The following CA10 variants were observed in gnomAD, a reference collection of about 807,000 sequenced individuals.
The protein encoded by CA10 is carbonic anhydrase 10 (inactive).
A neutral mutation model predicts 44.2 loss-of-function variants in CA10; 14 were observed. The observed-to-expected ratio is 0.32, with a 90% CI of 0.21 to 0.50. CA10 has a LOEUF of 0.50. Among genes scored for constraint, CA10 ranks in the 20% least tolerant of loss-of-function variants. CA10 has a pLI of 0.99. For synonymous variants in CA10, 159 were observed against 141.6 expected (o/e 1.12, Z -0.87); for missense variants, 350 against 409.7 (o/e 0.85, Z 1.26).
intron 3 of CA10, among the ~76,000 whole-genome samples, chr17:51,901,859 CA>C (rs1480927968): frequency 6.6e-6 from 1 of 151,982 alleles, no homozygotes; most frequent in Non-Finnish European, 1.5e-5. Context: ...AACAATCTTA[CA>C]AAGCTAAGTT....
chr17:52,027,244 G>T (rs949115521), intron 2 of CA10, among the ~76,000 whole-genome samples: 2 of 152,066 alleles, frequency 1.3e-5, no homozygotes, highest in African/African-American at 4.8e-5. Context: ...AGCTCAGGTG[G>T]TAATGTGAGT....
intron 3 of CA10, among the ~76,000 whole-genome samples, chr17:51,883,460 A>T (rs908900649): frequency 6.6e-6 from 1 of 152,158 alleles, no homozygotes; most frequent in African/African-American, 2.4e-5. Flanking sequence ...TCTCATGAAT[A>T]TATGCTAATG....
chr17:51,960,753 A>G (rs1291738896), intron 2 of CA10, among the ~76,000 whole-genome samples: 1 of 152,196 alleles, frequency 6.6e-6, no homozygotes, highest in Non-Finnish European at 1.5e-5. Context: ...AAATTAAATA[A>G]CTCACTTTCA....
intron 2 of CA10, among the ~76,000 whole-genome samples, chr17:52,048,131 T>A (rs1478510169): frequency 6.6e-6 from 1 of 151,632 alleles, no homozygotes; most frequent in African/African-American, 2.4e-5. Flanking sequence ...GGGGAAAAAA[T>A]GTCTTGTTTA....
intron 2 of CA10, among the ~76,000 whole-genome samples, chr17:52,027,052 G>A (rs1986323874): frequency 6.6e-6 from 1 of 152,018 alleles, no homozygotes; most frequent in South Asian, 2.1e-4. Context: ...ATCAATGGGA[G>A]TCCTGAGTTT....
rs8074063 is a variant in CA10, at chr17:52,098,081, G to A, written c.62-25688C>T. On this transcript the variant is annotated intron_variant, in intron 1 of 8. Transcript: ENST00000451037. Reference sequence around the variant, plus strand: ...GTGCTGCAGCTGGCCTGTTTTGATGGGTTGGTGCCCAGAACTGCTGTTACA... The same window carrying A: ...GTGCTGCAGCTGGCCTGTTTTGATGAGTTGGTGCCCAGAACTGCTGTTACA... 2.3e-3 allele frequency among the ~76,000 whole-genome samples: 343 copies of A among 152,194 alleles called. 1 individual carries two copies. Among genetic ancestry groups the A allele is most frequent in the African/African-American group, 7.9e-3 (328 of 41,524 alleles).
chr17:51,635,225 G>C (rs1384263725), intron 7 of CA10, among the ~76,000 whole-genome samples: 1 of 152,130 alleles, frequency 6.6e-6, no homozygotes, highest in Non-Finnish European at 1.5e-5. Context: ...TAAAGATGGA[G>C]GTAGAGGCTG....
At chr17:52,077,256 G>A (rs1987840615) in intron 1 of CA10, among the ~76,000 whole-genome samples, 1 of 152,182 alleles carries the variant, frequency 6.6e-6, no homozygotes, top group East Asian at 1.9e-4. Flanking sequence ...TGAAGAAAGA[G>A]CAAAGTGTTT....
intron 3 of CA10, among the ~76,000 whole-genome samples, chr17:51,800,467 C>A (rs1906883472): frequency 1.3e-5 from 2 of 152,068 alleles, no homozygotes; most frequent in African/African-American, 4.8e-5. Context: ...AAATTATACA[C>A]CTGAAATGGA....
chr17:51,896,903 A>C (rs1981093698), intron 3 of CA10, among the ~76,000 whole-genome samples: 1 of 151,630 alleles, frequency 6.6e-6, no homozygotes, highest in East Asian at 1.9e-4. Flanking sequence ...GTGTCTGTCC[A>C]TGTCCTTTGC....
At chr17:51,675,127 G>T (rs1175516645) in intron 4 of CA10, among the ~76,000 whole-genome samples, 1 of 152,208 alleles carries the variant, frequency 6.6e-6, no homozygotes, top group African/African-American at 2.4e-5. Context: ...GTTTTGCAGA[G>T]GATGCTGCCC....
intron 2 of CA10, among the ~76,000 whole-genome samples, chr17:51,937,657 A>T (rs1982919954): frequency 6.6e-6 from 1 of 152,192 alleles, no homozygotes; most frequent in Non-Finnish European, 1.5e-5. Flanking sequence ...AACCAGGGAT[A>T]GAAAGATAAA....
chr17:52,022,707 C>A (rs59493538), intron 2 of CA10, among the ~76,000 whole-genome samples: 6 of 151,960 alleles, frequency 3.9e-5, no homozygotes, highest in Non-Finnish European at 8.8e-5. Flanking sequence ...ATCTAGACAA[C>A]CCTAAAGACT....
chr17:52,047,126 A>G (rs372394834), intron 2 of CA10, among the ~76,000 whole-genome samples: 1 of 152,060 alleles, frequency 6.6e-6, no homozygotes, highest in African/African-American at 2.4e-5. Flanking sequence ...ATCACTATTC[A>G]GCAATATAAA....
At chr17:52,065,647 C>A (rs539495324) in intron 2 of CA10, among the ~76,000 whole-genome samples, 2 of 152,242 alleles carry the variant, frequency 1.3e-5, no homozygotes, top group Admixed American at 6.5e-5. Context: ...AGGGTAAAAT[C>A]CAAACTTCTA....
At chr17:51,818,335 C>T (rs924860914) in intron 3 of CA10, among the ~76,000 whole-genome samples, 2 of 152,194 alleles carry the variant, frequency 1.3e-5, no homozygotes, top group African/African-American at 4.8e-5. Context: ...ACAAAACTGA[C>T]AGCTGCCAAA....
intron 3 of CA10, among the ~76,000 whole-genome samples, chr17:51,861,478 C>T (rs188960190): frequency 1.1e-3 from 170 of 151,348 alleles, no homozygotes; most frequent in Non-Finnish European, 2.2e-3. Flanking sequence ...ACCCCTTTCC[C>T]CCTATTATAT....
chr17:51,710,462 G>C lies in CA10; in HGVS notation c.465+37171C>G, dbSNP rs533198561. Among the ~76,000 whole-genome samples the C allele has an allele frequency of 9.2e-5, 14 of 152,262 alleles. No homozygotes were observed. In the South Asian group the frequency reaches 2.9e-3, roughly 32 times the overall value. On this transcript the variant is annotated intron_variant, in intron 4 of 8. Transcript: ENST00000451037. ...GATAAACACAACACCCAGGTTGTCT[G>C]AACACCTGGAGTTCAGAAGCCTGAC...
chr17:51,713,964 A>T (rs776302228), intron 4 of CA10, among the ~76,000 whole-genome samples: 16 of 152,222 alleles, frequency 1.1e-4, no homozygotes, highest in Non-Finnish European at 1.9e-4. Flanking sequence ...GTGTTCTCTC[A>T]AATAAACTAA....
Sources: allele counts gnomAD v4.1 joint callset (sites outside exome capture counted in the v4.1 genomes callset), GRCh38; gene constraint gnomAD v4.1.1; transcripts MANE v1.5; gene names NCBI Gene and HGNC (gene_info 2026-07-23, HGNC 2026-07-21).